NAV2: variants seen among roughly 807,000 people sequenced by gnomAD.
NAV2 encodes helicase, APC down-regulated 1.
Under a neutral mutation model 223.2 loss-of-function variants are expected in NAV2, and 54 were observed. The ratio of observed to expected loss-of-function variants is 0.24; its 90% CI spans 0.19 to 0.30. NAV2 has a LOEUF of 0.30. Ranked by LOEUF, NAV2 falls within the 10% of genes least tolerant of loss-of-function variation. NAV2 has a pLI of 1.00. For missense variants in NAV2, 2,806 were observed against 3,147.5 expected, an observed-to-expected ratio of 0.89 and a Z score of 2.60; for synonymous variants, 1,279 against 1,239.3, an observed-to-expected ratio of 1.03 and a Z score of -0.67.
intron 28 of NAV2, 132 bp from the exon 29 acceptor site, chr11:20,092,967 T>TTCCCTCCCCCCCCCCCCCC: frequency 3.9e-6 from 1 of 255,768 alleles, no homozygotes; most frequent in Non-Finnish European, 8.2e-6. Flanking sequence ...CCTCTCCTCT[T>TTCCCTCCCCCCCCCCCCCC]CCCCTACCCC....
chr11:19,713,863 C>T lies in NAV2; in HGVS notation c.168C>T (p.Ile56=). ...GCAAGACCACCTATCCTAGCCAGAT[C>T]CCCCTGAAATCGCAGGTGCTGCAGG... ...EVSKTTYPSQ[I]PLKSQVLQGL... The change falls in exon 1 of 38, where the codon ATC becomes ATT. Residue 56 remains isoleucine, a synonymous_variant. Transcript: ENST00000349880. The surrounding 1 kb of genome is among the most constrained non-coding windows in gnomAD (Gnocchi z 7.2). 2 of 1,613,648 alleles carry T rather than the reference C, an allele frequency of 1.2e-6. No homozygotes were observed. Among genetic ancestry groups the T allele is most frequent in the Non-Finnish European group, 1.7e-6 (2 of 1,179,914 alleles).
At chr11:19,572,954 G>A (rs1204163392) in intron 1 of NAV2, among the ~76,000 whole-genome samples, 1 of 152,008 alleles carries the variant, frequency 6.6e-6, no homozygotes, top group Non-Finnish European at 1.5e-5. Flanking sequence ...GAACCAACAG[G>A]GTCAACAGCA....
chr11:19,724,898 C>G (rs965809954), intron 1 of NAV2, among the ~76,000 whole-genome samples: 3 of 152,348 alleles, frequency 2.0e-5, no homozygotes, highest in African/African-American at 2.4e-5. Flanking sequence ...CTTCCTAATG[C>G]TAGGGCGAGG....
At chr11:20,101,874 G>A (rs970135673) in intron 32 of NAV2, among the ~76,000 whole-genome samples, 1 of 152,198 alleles carries the variant, frequency 6.6e-6, no homozygotes, top group African/African-American at 2.4e-5. Flanking sequence ...GAGCATTGAT[G>A]GATAATTCAC....
At position 20,119,517 on chromosome 11, in the gene NAV2, C is replaced by T. The variant is rs1450732430; in HGVS notation, c.*1259C>T. 6.5e-6 allele frequency: 1 copy of T among 152,678 alleles called. No individual in the cohort carries two copies. Among genetic ancestry groups the T allele is most frequent in the Non-Finnish European group, 1.5e-5 (1 of 68,090 alleles). 9.5% of individuals were successfully genotyped at this position (152,678 alleles called of 1,614,324 possible). On this transcript the variant is annotated 3_prime_UTR_variant, in exon 38 of 38. Coordinates refer to ENST00000349880, the MANE Select transcript of NAV2 (RefSeq NM_145117.5). The stretch of plus-strand genomic sequence containing the variant: ...CCCTGCAAAAGACTTGCACTTTCCT[C>T]AGAACCAACATGACGCAGCTCAATA...
intron 10 of NAV2, among the ~76,000 whole-genome samples, chr11:19,968,685 G>T (rs1012263355): frequency 1.3e-5 from 2 of 152,184 alleles, no homozygotes; most frequent in Admixed American, 6.5e-5. Flanking sequence ...AAGTTAAAGA[G>T]TGAAAAAAGT....
chr11:20,074,266 GT>G (rs1331647573), intron 22 of NAV2, among the ~76,000 whole-genome samples: 1 of 152,206 alleles, frequency 6.6e-6, no homozygotes, highest in Non-Finnish European at 1.5e-5. Flanking sequence ...TTATTCATGA[GT>G]TCTAATTTGA....
chr11:19,535,140 G>T (rs917911358), intron 1 of NAV2, among the ~76,000 whole-genome samples: 2 of 152,186 alleles, frequency 1.3e-5, no homozygotes, highest in African/African-American at 4.8e-5. Flanking sequence ...TGCAGGCAGG[G>T]CTGTGGAGAG....
intron 6 of NAV2, among the ~76,000 whole-genome samples, chr11:19,913,867 C>T (rs944760355): frequency 1.3e-5 from 2 of 152,086 alleles, no homozygotes; most frequent in Non-Finnish European, 2.9e-5. Context: ...CTATAGGGAC[C>T]GCATAGTCTC....
At chr11:19,929,234 CAG>C (rs2045089643) in intron 6 of NAV2, among the ~76,000 whole-genome samples, 1 of 152,000 alleles carries the variant, frequency 6.6e-6, no homozygotes, top group Non-Finnish European at 1.5e-5. Context: ...GCCTGGGTGA[CAG>C]AGTGAGATTC....
upstream of NAV2, among the ~76,000 whole-genome samples, chr11:19,349,140 T>C (rs544113600): frequency 3.1e-3 from 471 of 152,366 alleles, 1 homozygote; most frequent in Non-Finnish European, 5.6e-3. Context: ...AAGATAACCT[T>C]CTGAACATTC....
chr11:19,638,466 T>C (rs1321062107), intron 1 of NAV2, among the ~76,000 whole-genome samples: 2 of 152,238 alleles, frequency 1.3e-5, no homozygotes, highest in East Asian at 1.9e-4. Context: ...TTTTGCCAGT[T>C]ACTAACCATG....
At chr11:19,965,301 G>T (rs1273704339) in intron 10 of NAV2, among the ~76,000 whole-genome samples, 1 of 152,082 alleles carries the variant, frequency 6.6e-6, no homozygotes, top group Non-Finnish European at 1.5e-5. Context: ...CTCATTTCAG[G>T]ACTTTCACTG....
chr11:19,640,010 T>C (rs2047618690), intron 1 of NAV2, among the ~76,000 whole-genome samples: 1 of 152,170 alleles, frequency 6.6e-6, no homozygotes, highest in Non-Finnish European at 1.5e-5. Context: ...AAAGTCAGTT[T>C]GTGTATGTAA....
chr11:20,100,322 G>A (rs1481719734), intron 31 of NAV2, among the ~76,000 whole-genome samples: 1 of 152,146 alleles, frequency 6.6e-6, no homozygotes, highest in Admixed American at 6.5e-5. Flanking sequence ...CAACATTTCA[G>A]GCTAGGTCTG....
intron 13 of NAV2, among the ~76,000 whole-genome samples, chr11:20,044,577 A>G (rs1283664743): frequency 6.6e-6 from 1 of 152,182 alleles, no homozygotes; most frequent in Admixed American, 6.5e-5. Flanking sequence ...CTGTGGGTGT[A>G]TGGTGAGTTG....
At chr11:19,738,803 A>G (rs2052552038) in intron 1 of NAV2, among the ~76,000 whole-genome samples, 1 of 152,200 alleles carries the variant, frequency 6.6e-6, no homozygotes, top group Non-Finnish European at 1.5e-5. Flanking sequence ...CTGTCTGTCC[A>G]AGCTGCCCAC....
intron 11 of NAV2, 43 bp downstream of exon 11, chr11:19,984,290 C>T (rs1181020727): frequency 1.9e-6 from 3 of 1,606,118 alleles, no homozygotes; most frequent in African/African-American, 2.8e-5. Context: ...CAGAGGTGAT[C>T]CCAGGGGGGC....
chr11:20,046,812 C>T (rs892170684), intron 14 of NAV2, among the ~76,000 whole-genome samples: 2 of 152,186 alleles, frequency 1.3e-5, no homozygotes, highest in African/African-American at 4.8e-5. Context: ...ATAATATCCA[C>T]TGGACCATTC....
Sources: gnomAD v4.1 joint callset for allele counts (sites outside exome capture counted in the v4.1 genomes callset) on GRCh38, gnomAD v4.1.1 for gene constraint, Gnocchi (gnomAD v3.1) non-coding constraint, MANE v1.5 for transcripts, NCBI Gene and HGNC (gene_info 2026-07-23, HGNC 2026-07-21) for gene names.